The following PLCL1 variants were observed in gnomAD, a reference collection of about 807,000 sequenced individuals.
PLCL1 encodes phospholipase C like 1 (inactive).
A neutral mutation model predicts 84.4 loss-of-function variants in PLCL1; 41 were observed. The observed-to-expected ratio is 0.49, with a 90% CI of 0.38 to 0.63. The LOEUF is 0.63. Among genes scored for constraint, PLCL1 ranks in the 30% least tolerant of loss-of-function variants. PLCL1 has a pLI of 0.00. For synonymous variants in PLCL1, 490 were observed against 488.3 expected (o/e 1.00, Z -0.05); for missense variants, 1,206 against 1,367.8 (o/e 0.88, Z 1.87).
intron 1 of PLCL1, among the ~76,000 whole-genome samples, chr2:197,849,000 T>C (rs1443729537): frequency 2.0e-5 from 3 of 152,196 alleles, no homozygotes; most frequent in Non-Finnish European, 4.4e-5. Context: ...TTTTATGCCC[T>C]AGGTGCTAAG....
intron 1 of PLCL1, among the ~76,000 whole-genome samples, chr2:197,906,399 C>G (rs976332417): frequency 6.6e-5 from 10 of 150,950 alleles, no homozygotes; most frequent in Non-Finnish European, 1.2e-4. Flanking sequence ...TCTGAGTTCT[C>G]TGTTCTGTTC....
intron 1 of PLCL1, among the ~76,000 whole-genome samples, chr2:197,969,341 C>T (rs1368699133): frequency 1.3e-5 from 2 of 152,134 alleles, no homozygotes; most frequent in South Asian, 2.1e-4. Flanking sequence ...AATATGTCCT[C>T]TATAATAGAG....
At chr2:198,130,542 C>T (rs1316920755) in intron 5 of PLCL1, among the ~76,000 whole-genome samples, 2 of 152,010 alleles carry the variant, frequency 1.3e-5, no homozygotes, top group Non-Finnish European at 2.9e-5. Flanking sequence ...AAATTACCTC[C>T]CAGGCATTGT....
chr2:198,079,082 T>C (rs1204253630), intron 1 of PLCL1, among the ~76,000 whole-genome samples: 1 of 151,990 alleles, frequency 6.6e-6, no homozygotes, highest in Admixed American at 6.6e-5. Context: ...AAGTAGAGTT[T>C]TCTGGGGGCT....
chr2:197,844,232 T>C (rs536805158), intron 1 of PLCL1, among the ~76,000 whole-genome samples: 1 of 152,202 alleles, frequency 6.6e-6, no homozygotes, highest in African/African-American at 2.4e-5. Flanking sequence ...GATCAAGAAA[T>C]AAAATGGTGT....
At chr2:198,132,454 T>C (rs1247382558) in intron 5 of PLCL1, among the ~76,000 whole-genome samples, 1 of 152,054 alleles carries the variant, frequency 6.6e-6, no homozygotes, top group Non-Finnish European at 1.5e-5. Flanking sequence ...AATGTGTTTT[T>C]TTGGGGGGGG....
intron 1 of PLCL1, among the ~76,000 whole-genome samples, chr2:198,055,201 T>C (rs1559087778): frequency 6.6e-6 from 1 of 151,790 alleles, no homozygotes; most frequent in Non-Finnish European, 1.5e-5. Context: ...GTTTCCTGTT[T>C]TGTAGGAACT....
intron 1 of PLCL1, among the ~76,000 whole-genome samples, chr2:197,837,353 A>C (rs1297442250): frequency 6.6e-6 from 1 of 152,228 alleles, no homozygotes; most frequent in East Asian, 1.9e-4. Context: ...TATATTTTAA[A>C]TATTCTACAA....
intron 1 of PLCL1, among the ~76,000 whole-genome samples, chr2:197,968,938 C>T (rs919455692): frequency 4.6e-5 from 7 of 152,186 alleles, no homozygotes; most frequent in Admixed American, 1.3e-4. Flanking sequence ...CCCCAGACCA[C>T]GGTCTGGTTA....
intron 1 of PLCL1, among the ~76,000 whole-genome samples, chr2:198,008,607 G>A (rs1690789291): frequency 6.6e-6 from 1 of 151,056 alleles, no homozygotes; most frequent in South Asian, 2.1e-4. Flanking sequence ...TTCATCTGTT[G>A]ATGGACATTT....
At chr2:198,063,239 T>C (rs1574283808) in intron 1 of PLCL1, among the ~76,000 whole-genome samples, 1 of 150,718 alleles carries the variant, frequency 6.6e-6, no homozygotes, top group South Asian at 2.1e-4. Flanking sequence ...ATATATATTA[T>C]GCTTGGGTTT....
At chr2:197,807,557 A>G (rs971122260) in intron 1 of PLCL1, among the ~76,000 whole-genome samples, 1 of 152,198 alleles carries the variant, frequency 6.6e-6, no homozygotes, top group Non-Finnish European at 1.5e-5. Flanking sequence ...ACATTCTTGA[A>G]TCTGCTGCCC....
chr2:198,101,528 A>G (rs1280557745), intron 4 of PLCL1, among the ~76,000 whole-genome samples, 168 bp downstream of exon 4: 3 of 151,934 alleles, frequency 2.0e-5, no homozygotes, highest in African/African-American at 7.3e-5. Flanking sequence ...TTTGTTTAGT[A>G]CAGATGAAAT....
In PLCL1 at chr2:197,866,034, A is replaced by ATATATAT. The variant is rs1215315731; in HGVS notation, c.240+60695_240+60696insTATATAT. The stretch of plus-strand genomic sequence containing the variant: ...CCAAAAAAAAAAAAAAAAAAAAAAA[A>ATATATAT]AAATATATATATATATATACACACA... On this transcript the variant is annotated intron_variant, in intron 1 of 5. Transcript: ENST00000428675. 2.5e-3 allele frequency among the ~76,000 whole-genome samples: 106 copies of ATATATAT among 41,740 alleles called. 13 individuals carry two copies. Among genetic ancestry groups the ATATATAT allele is most frequent in the African/African-American group, 8.4e-3 (35 of 4,168 alleles). The allele number at this position is 41,740 out of a possible 152,430, so 27.4% of individuals were successfully genotyped here.
At chr2:198,141,726 G>C (rs1275181616) in intron 5 of PLCL1, among the ~76,000 whole-genome samples, 1 of 152,146 alleles carries the variant, frequency 6.6e-6, no homozygotes, top group African/African-American at 2.4e-5. Flanking sequence ...GTCTGTGACT[G>C]GTTTCTACTG....
chr2:198,144,475 C>A (rs2105948503), intron 5 of PLCL1, among the ~76,000 whole-genome samples: 1 of 152,056 alleles, frequency 6.6e-6, no homozygotes, highest in Admixed American at 6.6e-5. Flanking sequence ...TAGATAGTAC[C>A]AAGATACTTA....
At chr2:197,980,432 G>A (rs1472192275) in intron 1 of PLCL1, among the ~76,000 whole-genome samples, 2 of 152,160 alleles carry the variant, frequency 1.3e-5, no homozygotes, top group African/African-American at 4.8e-5. Context: ...GTATCATATT[G>A]TATATCTGGT....
rs192164467 is a variant in PLCL1 at position 198,104,737 on chromosome 2, A to G, written c.3105+801A>G. On this transcript the variant is annotated intron_variant, in intron 5 of 5. Transcript: ENST00000428675. ...GACTTTTAGCTATTCTGACTGTGAG[A>G]TGGTATCTCACTGTGGTTTTGATTT... Among the ~76,000 whole-genome samples the G allele has an allele frequency of 1.0e-3, 156 of 152,102 alleles. 1 individual carries two copies. The highest frequency in any genetic ancestry group is 3.4e-3 in the Middle Eastern group (1 of 294).
At chr2:197,836,040 A>G (rs907551618) in intron 1 of PLCL1, among the ~76,000 whole-genome samples, 1 of 152,202 alleles carries the variant, frequency 6.6e-6, no homozygotes, top group Non-Finnish European at 1.5e-5. Context: ...GAAGTTTTAA[A>G]CAATGTTTTG....
Sources: gnomAD v4.1 joint callset for allele counts (sites outside exome capture counted in the v4.1 genomes callset) on GRCh38, gnomAD v4.1.1 for gene constraint, MANE v1.5 for transcripts, NCBI Gene and HGNC (gene_info 2026-07-23, HGNC 2026-07-21) for gene names.